Variants in COL12A1 observed in about 807,000 individuals in gnomAD.
COL12A1 encodes the protein collagen alpha-1(XII) chain.
In COL12A1, 114 loss-of-function variants were observed where a neutral mutation model predicts 349.7. That is an observed-to-expected ratio of 0.33 (90% CI 0.28 to 0.38). The LOEUF (loss-of-function observed/expected upper bound fraction) is 0.38, where lower values mean the gene tolerates loss of function less well. Ranked by LOEUF, COL12A1 falls within the 10% of genes least tolerant of loss-of-function variation. COL12A1 has a pLI of 1.00. For missense variants in COL12A1, 3,284 were observed against 3,756.9 expected (o/e 0.87, Z 3.29); for synonymous variants, 1,369 against 1,329.0 (o/e 1.03, Z -0.66).
At chr6:75,123,142 A>G (rs1019447040) in intron 43 of COL12A1, among the ~76,000 whole-genome samples, 188 bp downstream of exon 43, 3 of 152,194 alleles carry the variant, frequency 2.0e-5, no homozygotes, top group African/African-American at 7.2e-5. Flanking sequence ...TTTTATTCAC[A>G]CCAAAATGTG....
chr6:75,111,700 A>G (rs1768847063), intron 51 of COL12A1, among the ~76,000 whole-genome samples: 1 of 151,878 alleles, frequency 6.6e-6, no homozygotes, highest in South Asian at 2.1e-4. Context: ...GAAGCCAATA[A>G]CACTTGCTAA....
At position 75,102,009 on chromosome 6, in the gene COL12A1, G is replaced by A. The variant is rs1554168325; in HGVS notation, c.8459C>T (p.Pro2820Leu). The change falls in exon 57 of 66, where the codon CCA (proline) becomes CTA (leucine). Residue 2820 changes from proline to leucine, a missense_variant. This residue lies in a region of COL12A1 where 683 missense variants were observed against 932.1 expected (regional missense o/e 0.73). Coordinates refer to ENST00000322507, the MANE Select transcript of COL12A1 (RefSeq NM_004370.6). ...MKGDAGEPGL[P>L]GRTGTPGLPG... Reference sequence around the variant, plus strand: ...TAGAGACCAACTCACTGTTCGGCCTGGAAGTCCTGGCTCTCCAGCATCACC... The same window carrying A: ...TAGAGACCAACTCACTGTTCGGCCTAGAAGTCCTGGCTCTCCAGCATCACC... The A allele has an allele frequency of 6.2e-7, 1 of 1,614,144 alleles. No homozygotes were observed. Among genetic ancestry groups the A allele is most frequent in the Non-Finnish European group, 8.5e-7 (1 of 1,180,012 alleles).
Position 75,089,107 on chromosome 6 carries a change from T to C in COL12A1, c.9009A>G (p.Pro3003=). 6.2e-7 allele frequency: 1 copy of C among 1,610,318 alleles called. No individual in the cohort carries two copies. Among genetic ancestry groups the C allele is most frequent in the Non-Finnish European group, 8.5e-7 (1 of 1,178,412 alleles). ...SSGPRGLPGP[P]GPQGESRTGP... ...TGTTTAAAATACTAGCAAACCTACCTGGGGGGCCAGGCAGCCCCCGAGGTC... is the reference window on the plus strand; with the variant it reads ...TGTTTAAAATACTAGCAAACCTACCCGGGGGGCCAGGCAGCCCCCGAGGTC... Residue 3003 remains proline, a splice_region_variant and synonymous_variant, in exon 64 of 66, where the codon CCA becomes CCG. Coordinates refer to ENST00000322507, the MANE Select transcript of COL12A1 (RefSeq NM_004370.6).
intron 58 of COL12A1, among the ~76,000 whole-genome samples, 153 bp from the exon 59 acceptor site, chr6:75,097,459 CA>C (rs200980817): frequency 4.0e-5 from 6 of 151,330 alleles, no homozygotes; most frequent in Non-Finnish European, 5.9e-5. Flanking sequence ...AGACAAACAG[CA>C]AAAAAAATAA....
chr6:75,085,233 T>C lies in COL12A1; in HGVS notation c.*1314A>G, dbSNP rs1422589496. ...GGGCAGGGCGCGCCGCCAGCGCCGG[T>C]GGGGCTCAGGAGGCTCCTCTGCAGG... On this transcript the variant is annotated 3_prime_UTR_variant, in exon 66 of 66. Transcript: ENST00000322507. 2.1e-6 allele frequency: 1 copy of C among 469,790 alleles called. No homozygotes were observed. Among genetic ancestry groups the C allele is most frequent in the Non-Finnish European group, 4.4e-6 (1 of 226,574 alleles). 29.1% of individuals were successfully genotyped at this position (469,790 alleles called of 1,614,324 possible). A position where few individuals can be genotyped will look rare whatever the true frequency, so the allele number is the denominator to read the frequency against.
intron 43 of COL12A1, 34 bp from the exon 44 acceptor site, chr6:75,121,475 C>G (rs757092246): frequency 2.0e-6 from 3 of 1,484,068 alleles, no homozygotes; most frequent in Non-Finnish European, 2.7e-6. Flanking sequence ...AGCCCCAAAT[C>G]TCATGAATTC....
At chr6:75,121,485 C>CT (rs1765728123) in intron 43 of COL12A1, 44 bp from the exon 44 acceptor site, 1 of 1,472,492 alleles carries the variant, frequency 6.8e-7, no homozygotes, top group African/African-American at 1.4e-5. Flanking sequence ...CTCATGAATT[C>CT]TTTCATTTAA....
Position 75,085,310 on chromosome 6 carries a change from C to A in COL12A1, c.*1237G>T, listed in dbSNP as rs1483766098. On this transcript the variant is annotated 3_prime_UTR_variant, in exon 66 of 66. Coordinates refer to ENST00000322507, the MANE Select transcript of COL12A1 (RefSeq NM_004370.6). Reference sequence around the variant, plus strand: ...CCGCTGTCCGCTCGGGCTCCACCGGCACGATGAAGGGCTCGCGCTCAGGCA... The same window carrying A: ...CCGCTGTCCGCTCGGGCTCCACCGGAACGATGAAGGGCTCGCGCTCAGGCA... The A allele has an allele frequency of 2.1e-6, 1 of 471,000 alleles. No homozygotes were observed. 29.2% of individuals were successfully genotyped at this position (471,000 alleles called of 1,614,324 possible).
At chr6:75,101,143 A>C (rs1048163776) in intron 58 of COL12A1, among the ~76,000 whole-genome samples, 2 of 152,144 alleles carry the variant, frequency 1.3e-5, no homozygotes, top group African/African-American at 4.8e-5. Flanking sequence ...CCCACCATCA[A>C]GGCCTAGAAG....
intron 31 of COL12A1, among the ~76,000 whole-genome samples, chr6:75,136,528 G>A (rs1446684298): frequency 6.6e-6 from 1 of 152,092 alleles, no homozygotes; most frequent in Non-Finnish European, 1.5e-5. Context: ...CCTCTAAACT[G>A]ATAAGAGAAA....
At chr6:75,091,462 A>AT in intron 61 of COL12A1, 28 bp downstream of exon 61, 1 of 1,612,906 alleles carries the variant, frequency 6.2e-7, no homozygotes, top group Non-Finnish European at 8.5e-7. Flanking sequence ...CACACAAAAT[A>AT]AACGTAAGAT....
chr6:75,193,400 C>T (rs1274748625), intron 3 of COL12A1, among the ~76,000 whole-genome samples: 3 of 152,032 alleles, frequency 2.0e-5, no homozygotes, highest in South Asian at 2.1e-4. Context: ...AAAAAAGCTA[C>T]GTTTCCTGGT....
chr6:75,112,523 T>C (rs796618537), intron 51 of COL12A1, among the ~76,000 whole-genome samples: 7 of 151,770 alleles, frequency 4.6e-5, no homozygotes, highest in African/African-American at 1.7e-4. Context: ...AAAAAAAAGT[T>C]TCTACTATCT....
In COL12A1 at chr6:75,124,000, A is replaced by G; in HGVS notation, c.6819T>C (p.Phe2273=). The G allele has an allele frequency of 6.2e-7, 1 of 1,613,890 alleles. No homozygotes were observed. Among genetic ancestry groups the G allele is most frequent in the Non-Finnish European group, 8.5e-7 (1 of 1,179,810 alleles). Residue 2273 remains phenylalanine, a synonymous_variant, in exon 42 of 66, where the codon TTT becomes TTC. Coordinates refer to ENST00000322507, the MANE Select transcript of COL12A1 (RefSeq NM_004370.6). ...SPDTDYGVTV[F]VQTPNLEGPG... is the part of the protein sequence containing the mutation. Reference sequence around the variant, plus strand: ...GTCCCTCGAGATTTGGTGTCTGCACAAAAACAGTGACACCATAATCAGTGT... The same window carrying G: ...GTCCCTCGAGATTTGGTGTCTGCACGAAAACAGTGACACCATAATCAGTGT...
At chr6:75,104,198 T>C (rs2149346136) in intron 54 of COL12A1, among the ~76,000 whole-genome samples, 1 of 152,234 alleles carries the variant, frequency 6.6e-6, no homozygotes, top group South Asian at 2.1e-4. Flanking sequence ...GAACATGTAC[T>C]TAACAGGAAT....
chr6:75,133,869 G>A lies in COL12A1; in HGVS notation c.5653C>T (p.Pro1885Ser). The change falls in exon 33 of 66, where the codon CCA becomes TCA. Residue 1885 changes from proline (P) to serine (S), a missense_variant. Transcript: ENST00000322507. ...CAAGAAATAATTACCAGTTCCTCTG[G>A]ACCACCTGCTGCTGGTGCATAGAAG... is the stretch of plus-strand genomic sequence containing the variant. ...KLFYAPAAGGPEELVPIPGNT... is the reference protein window; with the variant it reads ...KLFYAPAAGGSEELVPIPGNT... 1 of 1,613,896 alleles carries A rather than the reference G, an allele frequency of 6.2e-7. No homozygotes were observed. The highest frequency in any genetic ancestry group is 8.5e-7 in the Non-Finnish European group (1 of 1,179,908).
rs554186559 is a variant in COL12A1, at chr6:75,203,366, T to G, written c.-35-539A>C. Among the ~76,000 whole-genome samples the G allele has an allele frequency of 3.3e-5, 5 of 152,348 alleles. No homozygotes were observed. In the East Asian group the frequency reaches 9.6e-4, roughly 29 times the overall value. The stretch of plus-strand genomic sequence containing the variant: ...ATCTGAAATGGATTATACAGAAATA[T>G]GTAAGGCCCAGCTGAAACCTGACCC... On this transcript the variant is annotated intron_variant, in intron 1 of 65. Transcript: ENST00000322507.
chr6:75,126,318 A>G (rs1216340419), intron 39 of COL12A1, 33 bp downstream of exon 39: 4 of 1,595,426 alleles, frequency 2.5e-6, no homozygotes, highest in Non-Finnish European at 3.4e-6. Flanking sequence ...AACCCTCCAA[A>G]GCATTTCTAT....
intron 3 of COL12A1, among the ~76,000 whole-genome samples, chr6:75,192,584 T>G (rs188591100): frequency 6.6e-5 from 10 of 152,252 alleles, no homozygotes; most frequent in Non-Finnish European, 1.2e-4. Flanking sequence ...ATTTAATACT[T>G]GTTTGAGAAT....
Sources: gnomAD v4.1 joint callset for allele counts (sites outside exome capture counted in the v4.1 genomes callset) on GRCh38, gnomAD v4.1.1 for gene constraint, gnomAD v4.1.1 regional missense constraint, MANE v1.5 for transcripts, NCBI Gene and HGNC (gene_info 2026-07-23, HGNC 2026-07-21) for gene names.